CRIM1: variants seen among roughly 807,000 people sequenced by gnomAD.
CRIM1 encodes the protein cysteine rich transmembrane BMP regulator 1, also known as cysteine-rich motor neuron 1 protein.
In CRIM1, 32 loss-of-function variants were observed where a neutral mutation model predicts 116.4. The ratio of observed to expected loss-of-function variants is 0.27; its 90% confidence interval spans 0.21 to 0.37. CRIM1 has a LOEUF of 0.37. Ranked by LOEUF, CRIM1 falls within the 10% of genes least tolerant of loss-of-function variation. The pLI, the probability that CRIM1 is intolerant of heterozygous loss-of-function variation, is 1.00. For missense variants in CRIM1, 1,331 were observed against 1,354.8 expected (o/e 0.98, Z 0.28); for synonymous variants, 590 against 509.2 (o/e 1.16, Z -2.13).
intron 4 of CRIM1, among the ~76,000 whole-genome samples, chr2:36,456,723 A>T (rs1168433073): frequency 1.3e-5 from 2 of 152,166 alleles, no homozygotes; most frequent in African/African-American, 4.8e-5. Context: ...TAACATTTCA[A>T]CAGGGGCACG....
chr2:36,404,194 A>G (rs1672618568), intron 2 of CRIM1, among the ~76,000 whole-genome samples: 1 of 152,210 alleles, frequency 6.6e-6, no homozygotes, highest in African/African-American at 2.4e-5. Flanking sequence ...TGAAAGTCTA[A>G]AACACAATTG....
intron 13 of CRIM1, among the ~76,000 whole-genome samples, chr2:36,531,385 T>G (rs1666104487): frequency 6.6e-6 from 1 of 151,686 alleles, no homozygotes; most frequent in African/African-American, 2.4e-5. Flanking sequence ...GGAGATGCGT[T>G]TTTGGTTTTT....
At position 36,396,595 on chromosome 2, in the gene CRIM1, G is replaced by A. The variant is rs1672045614; in HGVS notation, c.332-19G>A. ...TGAAGCTGCAAACACACATTATCTG[G>A]TTGTTAATTGTTTTACAGATGAGAA... On this transcript the variant is annotated intron_variant, in intron 1 of 16. Coordinates refer to ENST00000280527, the MANE Select transcript of CRIM1 (RefSeq NM_016441.3). 1 of 1,528,304 alleles carries A rather than the reference G, an allele frequency of 6.5e-7. No individual in the cohort carries two copies. Among genetic ancestry groups the A allele is most frequent in the African/African-American group, 1.4e-5 (1 of 73,446 alleles). 94.7% of individuals were successfully genotyped at this position (1,528,304 alleles called of 1,614,324 possible).
rs1022978632 is a variant in CRIM1 at position 36,539,111 on chromosome 2, G to A, written c.2623+1565G>A. ...TAGGTAGCCACCAAGATGGGGATCC[G>A]GCTCTGGAGAAAGGCATAGCAAGAC... On this transcript the variant is annotated intron_variant, in intron 14 of 16. Transcript: ENST00000280527. Among the ~76,000 whole-genome samples the A allele has an allele frequency of 5.3e-5, 8 of 152,182 alleles. No homozygotes were observed. In the East Asian group the frequency reaches 7.7e-4, roughly 15 times the overall value.
chr2:36,461,478 A>C (rs1677575823), intron 4 of CRIM1, among the ~76,000 whole-genome samples: 1 of 152,306 alleles, frequency 6.6e-6, no homozygotes. Context: ...TTCATGACTC[A>C]GTAGAGGAAA....
chr2:36,413,710 T>C (rs1272856358), intron 2 of CRIM1, among the ~76,000 whole-genome samples: 1 of 152,238 alleles, frequency 6.6e-6, no homozygotes, highest in Non-Finnish European at 1.5e-5. Context: ...GTCACCGTGT[T>C]CCAATTCTTT....
At chr2:36,361,980 C>G (rs774606619) in intron 1 of CRIM1, among the ~76,000 whole-genome samples, 6 of 152,108 alleles carry the variant, frequency 3.9e-5, no homozygotes, top group Non-Finnish European at 8.8e-5. Flanking sequence ...TCTGACTTGC[C>G]TTTGCATGGA....
chr2:36,544,400 A>G lies in CRIM1; in HGVS notation c.2648A>G (p.Asn883Ser), dbSNP rs1236533495. 6 of 1,409,040 alleles carry G rather than the reference A, an allele frequency of 4.3e-6. No homozygotes were observed. The highest frequency in any genetic ancestry group is 2.7e-5 in the East Asian group (1 of 36,974). The allele number at this position is 1,409,040 out of a possible 1,614,324, so 87.3% of individuals were successfully genotyped here. The part of the protein sequence containing the change: ...CPEMYVPEPT[N>S]IPIEKTNHRG... The stretch of plus-strand genomic sequence containing the variant: ...GAAATGTATGTCCCAGAACCAACCA[A>G]TATACCCATTGAGAAGACAAACCAT... Residue 883 changes from asparagine (N) to serine (S), a missense_variant, in exon 15 of 17, where the codon AAT becomes AGT. This residue lies in a region of CRIM1 where 283 missense variants were observed against 242.8 expected (regional missense o/e 1.17). Transcript: ENST00000280527.
intron 4 of CRIM1, among the ~76,000 whole-genome samples, chr2:36,463,063 C>T (rs1198306369): frequency 6.6e-6 from 1 of 152,134 alleles, no homozygotes; most frequent in Non-Finnish European, 1.5e-5. Context: ...CCTGAATGAC[C>T]TAACACCCTC....
chr2:36,477,594 G>A (rs1043358394), intron 6 of CRIM1, among the ~76,000 whole-genome samples: 5 of 152,188 alleles, frequency 3.3e-5, no homozygotes, highest in Non-Finnish European at 5.9e-5. Context: ...ACATGGGGTC[G>A]TGGTATCAGG....
In CRIM1 at chr2:36,547,109, C is replaced by T. The variant is rs1236273846; in HGVS notation, c.2872C>T (p.Leu958=). 6.2e-7 allele frequency: 1 copy of T among 1,612,852 alleles called. No individual in the cohort carries two copies. Among genetic ancestry groups the T allele is most frequent in the South Asian group, 1.1e-5 (1 of 91,032 alleles). Residue 958 remains leucine, a synonymous_variant, in exon 16 of 17, where the codon CTA becomes TTA. Coordinates refer to ENST00000280527, the MANE Select transcript of CRIM1 (RefSeq NM_016441.3). ...IICLSIIIAF[L]FINQKKQWIP... is the part of the protein sequence containing the mutation. ...ATGCCTCTCTATTATAATAGCATTC[C>T]TATTCATCAATCAGAAGAAACAGTG...
Position 36,522,078 on chromosome 2 carries a change from G to A in CRIM1, c.2207-14G>A. Reference sequence around the variant, plus strand: ...CAGCATCTTCTTTGCTGACCTATATGTTCATTTTTCCAGATCAACCTTTTC... The same window carrying A: ...CAGCATCTTCTTTGCTGACCTATATATTCATTTTTCCAGATCAACCTTTTC... On this transcript the variant is annotated splice_polypyrimidine_tract_variant and intron_variant, in intron 12 of 16. Transcript: ENST00000280527. 4.3e-6 allele frequency: 7 copies of A among 1,611,582 alleles called. No individual in the cohort carries two copies. Among genetic ancestry groups the A allele is most frequent in the Non-Finnish European group, 5.9e-6 (7 of 1,177,852 alleles).
intron 5 of CRIM1, among the ~76,000 whole-genome samples, chr2:36,476,032 T>C (rs972481010): frequency 6.6e-6 from 1 of 152,116 alleles, no homozygotes; most frequent in Non-Finnish European, 1.5e-5. Context: ...TGATCTGTAG[T>C]TGTGTTTTCT....
chr2:36,385,593 A>C (rs149880354), intron 1 of CRIM1, among the ~76,000 whole-genome samples: 1 of 152,156 alleles, frequency 6.6e-6, no homozygotes, highest in Non-Finnish European at 1.5e-5. Context: ...AAGGACCATC[A>C]GCAGGAGTCT....
intron 13 of CRIM1, among the ~76,000 whole-genome samples, chr2:36,534,220 G>A (rs1217241883): frequency 1.5e-5 from 2 of 134,452 alleles, no homozygotes; most frequent in South Asian, 5.1e-4. Flanking sequence ...GGAAAGATAA[G>A]GAAGGAAGGA....
At chr2:36,416,533 A>G (rs951868871) in intron 2 of CRIM1, among the ~76,000 whole-genome samples, 1 of 152,246 alleles carries the variant, frequency 6.6e-6, no homozygotes, top group African/African-American at 2.4e-5. Context: ...AACTCCTACT[A>G]CAACACTGCG....
chr2:36,435,991 A>ATT (rs1394556282), intron 2 of CRIM1, among the ~76,000 whole-genome samples: 1 of 151,244 alleles, frequency 6.6e-6, no homozygotes, highest in Non-Finnish European at 1.5e-5. Flanking sequence ...TATTTTAAGT[A>ATT]TTATATATAG....
At chr2:36,541,136 C>T (rs952036477) in intron 14 of CRIM1, among the ~76,000 whole-genome samples, 2 of 152,084 alleles carry the variant, frequency 1.3e-5, no homozygotes, top group East Asian at 1.9e-4. Flanking sequence ...ATTCTTGCAT[C>T]GGTTCATTGT....
At chr2:36,472,602 A>G (rs1283094314) in intron 5 of CRIM1, among the ~76,000 whole-genome samples, 1 of 152,166 alleles carries the variant, frequency 6.6e-6, no homozygotes, top group Non-Finnish European at 1.5e-5. Context: ...AGCTTTATTC[A>G]TAACCAGAAC....
Sources: allele counts gnomAD v4.1 joint callset (sites outside exome capture counted in the v4.1 genomes callset), GRCh38; gene constraint gnomAD v4.1.1; regional missense constraint gnomAD v4.1.1; transcripts MANE v1.5; gene names NCBI Gene and HGNC (gene_info 2026-07-23, HGNC 2026-07-21).